PRKCH: variants seen among roughly 807,000 people sequenced by gnomAD.
PRKCH encodes the protein protein kinase C eta, also known as protein kinase C eta type.
A neutral mutation model predicts 82.5 loss-of-function variants in PRKCH; 28 were observed. That is an observed-to-expected ratio of 0.34 (90% CI 0.25 to 0.47). PRKCH has a LOEUF of 0.47. Ranked by LOEUF, PRKCH falls within the 20% of genes least tolerant of loss-of-function variation. The probability of loss-of-function intolerance (pLI) is 1.00; values close to 1 mark genes in which losing one functional copy is unlikely to be tolerated. For synonymous variants in PRKCH, 322 were observed against 327.4 expected, an observed-to-expected ratio of 0.98 and a Z score of 0.18; for missense variants, 705 against 881.8, an observed-to-expected ratio of 0.80 and a Z score of 2.54.
intron 1 of PRKCH, among the ~76,000 whole-genome samples, chr14:61,349,496 C>T (rs1320974944): frequency 6.6e-6 from 1 of 152,126 alleles, no homozygotes; most frequent in African/African-American, 2.4e-5. Flanking sequence ...GCTAGGGGTA[C>T]AGCTGCTGTC....
chr14:61,391,873 A>C (rs893915499), intron 2 of PRKCH, among the ~76,000 whole-genome samples: 1 of 152,218 alleles, frequency 6.6e-6, no homozygotes, highest in African/African-American at 2.4e-5. Flanking sequence ...TCCAAGATAC[A>C]GGACATTTCC....
At chr14:61,383,331 G>A (rs1031697690) in intron 1 of PRKCH, among the ~76,000 whole-genome samples, 1 of 152,172 alleles carries the variant, frequency 6.6e-6, no homozygotes, top group African/African-American at 2.4e-5. Context: ...CAGCAGATAT[G>A]TATTGAGTGT....
intron 12 of PRKCH, among the ~76,000 whole-genome samples, chr14:61,535,997 A>G (rs1022486178): frequency 2.0e-5 from 3 of 152,254 alleles, no homozygotes; most frequent in African/African-American, 7.2e-5. Flanking sequence ...GTGTGTATGA[A>G]GAAACATTTC....
chr14:61,240,926 A>T (rs2044831524), intron 1 of PRKCH, among the ~76,000 whole-genome samples: 1 of 143,376 alleles, frequency 7.0e-6, no homozygotes. Context: ...TTTTTTCCCC[A>T]CACACCAAGC....
chr14:61,528,054 A>T (rs1428889435), intron 10 of PRKCH: 1 of 152,184 alleles, frequency 6.6e-6, no homozygotes, highest in Non-Finnish European at 1.5e-5. Flanking sequence ...AGGATGATAC[A>T]GCAATTGGTG....
intron 1 of PRKCH, among the ~76,000 whole-genome samples, chr14:61,203,747 G>A (rs993929005): frequency 1.3e-5 from 2 of 152,024 alleles, no homozygotes; most frequent in African/African-American, 4.8e-5. Flanking sequence ...AGGCTGAGGC[G>A]GGAGAATCAC....
intron 2 of PRKCH, among the ~76,000 whole-genome samples, chr14:61,403,873 T>G (rs766487973): frequency 6.6e-6 from 1 of 152,236 alleles, no homozygotes; most frequent in African/African-American, 2.4e-5. Flanking sequence ...GATGTGGTAT[T>G]CTCTCTATGG....
chr14:61,487,731 A>G (rs1886285766), intron 10 of PRKCH, among the ~76,000 whole-genome samples: 1 of 150,644 alleles, frequency 6.6e-6, no homozygotes, highest in African/African-American at 2.4e-5. Context: ...GGTGACTCAC[A>G]CCTCTAATCC....
At chr14:61,457,079 G>A (rs1884800665) in intron 7 of PRKCH, 97 bp from the exon 8 acceptor site, 3 of 1,343,148 alleles carry the variant, frequency 2.2e-6, no homozygotes, top group Non-Finnish European at 3.1e-6. Flanking sequence ...CGTTATACTG[G>A]GGGTGAGACT....
chr14:61,361,738 A>G (rs1046226544), intron 1 of PRKCH, among the ~76,000 whole-genome samples: 1 of 152,200 alleles, frequency 6.6e-6, no homozygotes, highest in South Asian at 2.1e-4. Context: ...CTTACAGGCA[A>G]GGGGACAATT....
chr14:61,372,377 A>C lies in PRKCH; in HGVS notation c.364-18848A>C, dbSNP rs75580494. Among the ~76,000 whole-genome samples, 4 of 152,246 alleles carry C rather than the reference A, an allele frequency of 2.6e-5. No homozygotes were observed. The South Asian group carries it at 8.3e-4, about 32-fold the overall frequency. On this transcript the variant is annotated intron_variant, in intron 1 of 13. Coordinates refer to ENST00000332981, the MANE Select transcript of PRKCH (RefSeq NM_006255.5). ...TTTCTATATGTATCCATCTGTATCT[A>C]TATTAAGTTGAACATGAGTTCATGC...
intron 1 of PRKCH, among the ~76,000 whole-genome samples, chr14:61,310,144 G>A (rs2045511677): frequency 6.6e-6 from 1 of 151,932 alleles, no homozygotes; most frequent in Admixed American, 6.6e-5. Flanking sequence ...TCCATCCCTG[G>A]CCCCTCCCAA....
intron 1 of PRKCH, among the ~76,000 whole-genome samples, chr14:61,387,781 G>A (rs916733857): frequency 1.3e-5 from 2 of 152,176 alleles, no homozygotes; most frequent in African/African-American, 4.8e-5. Context: ...CACAAAAGTT[G>A]CATGAAACAG....
At chr14:61,339,662 G>T (rs2140136610) in intron 1 of PRKCH, among the ~76,000 whole-genome samples, 1 of 116,296 alleles carries the variant, frequency 8.6e-6, no homozygotes, top group African/African-American at 3.3e-5. Flanking sequence ...TAAAGTTAAG[G>T]TTGCAGTGAG....
intron 9 of PRKCH, among the ~76,000 whole-genome samples, chr14:61,479,542 A>G (rs1885876243): frequency 6.6e-6 from 1 of 152,098 alleles, no homozygotes; most frequent in Non-Finnish European, 1.5e-5. Context: ...CTTAGTTAGT[A>G]TCATCTTGTC....
chr14:61,189,754 T>A (rs145989429), intron 1 of PRKCH, among the ~76,000 whole-genome samples: 23 of 152,130 alleles, frequency 1.5e-4, no homozygotes, highest in Admixed American at 2.6e-4. Flanking sequence ...CTTTTTTTTT[T>A]CCTCTCTCAT....
intron 12 of PRKCH, chr14:61,537,484 T>C (rs2043127246): frequency 6.6e-6 from 1 of 152,308 alleles, no homozygotes. Context: ...CTATCATTTT[T>C]TTAGGGCTTC....
intron 2 of PRKCH, among the ~76,000 whole-genome samples, chr14:61,411,305 A>G (rs566833733): frequency 6.6e-6 from 1 of 152,306 alleles, no homozygotes; most frequent in African/African-American, 2.4e-5. Flanking sequence ...TCTTTGCATA[A>G]AAGAGTGGAC....
chr14:61,376,872 A>T (rs1277568893), intron 1 of PRKCH, among the ~76,000 whole-genome samples: 1 of 152,230 alleles, frequency 6.6e-6, no homozygotes, highest in Admixed American at 6.5e-5. Context: ...AATGAGATAC[A>T]ATTTAATTAA....
Sources: allele counts gnomAD v4.1 joint callset (sites outside exome capture counted in the v4.1 genomes callset), GRCh38; gene constraint gnomAD v4.1.1; transcripts MANE v1.5; gene names NCBI Gene and HGNC (gene_info 2026-07-23, HGNC 2026-07-21).